The following PTPRT variants were observed in gnomAD, a reference collection of about 807,000 sequenced individuals.
PTPRT encodes receptor-type tyrosine-protein phosphatase T.
A neutral mutation model predicts 176.8 loss-of-function variants in PTPRT; 56 were observed. The ratio of observed to expected loss-of-function variants is 0.32; its 90% CI spans 0.26 to 0.40. The LOEUF (loss-of-function observed/expected upper bound fraction) is 0.40. Ranked by LOEUF, PTPRT falls within the 10% of genes least tolerant of loss-of-function variation. PTPRT has a pLI of 1.00. For synonymous variants in PTPRT, 783 were observed against 739.0 expected (o/e 1.06, Z -0.96); for missense variants, 1,540 against 1,908.2 (o/e 0.81, Z 3.60).
chr20:42,914,920 G>A (rs1978637024), intron 1 of PTPRT, among the ~76,000 whole-genome samples: 1 of 151,566 alleles, frequency 6.6e-6, no homozygotes. Context: ...CCCAATCTGT[G>A]TGAGGCAGGG....
chr20:42,680,687 C>CT (rs2075588008), intron 6 of PTPRT, among the ~76,000 whole-genome samples: 2 of 152,154 alleles, frequency 1.3e-5, no homozygotes, highest in Admixed American at 6.5e-5. Context: ...CCATTTAGTT[C>CT]TTTTCCATTG....
At chr20:42,356,588 C>T (rs988222288) in intron 9 of PTPRT, among the ~76,000 whole-genome samples, 28 of 151,884 alleles carry the variant, frequency 1.8e-4, no homozygotes, top group East Asian at 1.5e-3. Flanking sequence ...CCCAGCTACT[C>T]GGGAGGCTGA....
Position 43,039,837 on chromosome 20 carries a change from T to TCTAA in PTPRT, c.88+149808_88+149809insTTAG, listed in dbSNP as rs144608853. ...GGGCAGATCACCTGAGCTCAAGAGTTCTAGACCAGCCTGGGCAGTATGACA... is the reference window on the plus strand; with the variant it reads ...GGGCAGATCACCTGAGCTCAAGAGTTCTAACTAGACCAGCCTGGGCAGTATGACA... On this transcript the variant is annotated intron_variant, in intron 1 of 30. Coordinates refer to ENST00000373187, the MANE Select transcript of PTPRT (RefSeq NM_007050.6). Among the ~76,000 whole-genome samples, 73 of 152,224 alleles carry TCTAA rather than the reference T, an allele frequency of 4.8e-4. 1 individual carries two copies. The East Asian group carries it at 0.012, about 26-fold the overall frequency.
At chr20:42,269,083 C>A (rs538593049) in intron 13 of PTPRT, among the ~76,000 whole-genome samples, 8 of 152,308 alleles carry the variant, frequency 5.3e-5, no homozygotes, top group African/African-American at 1.9e-4. Flanking sequence ...CTACTCCAGA[C>A]CTCCCCTTTA....
chr20:42,173,519 A>C (rs1217054100), intron 16 of PTPRT, among the ~76,000 whole-genome samples: 1 of 152,330 alleles, frequency 6.6e-6, no homozygotes, highest in East Asian at 1.9e-4. Flanking sequence ...TTCTATCAAA[A>C]TCAGTGAGGA....
intron 1 of PTPRT, among the ~76,000 whole-genome samples, chr20:43,077,683 A>G (rs1056772725): frequency 1.3e-5 from 2 of 152,094 alleles, no homozygotes; most frequent in Non-Finnish European, 1.5e-5. Context: ...ACCTTTCCCA[A>G]TCATCCCTGG....
At chr20:42,359,795 G>A (rs143703071) in intron 9 of PTPRT, among the ~76,000 whole-genome samples, 5 of 152,308 alleles carry the variant, frequency 3.3e-5, no homozygotes, top group African/African-American at 9.6e-5. Flanking sequence ...GGGCCTGCCC[G>A]GGCTGCACAC....
intron 2 of PTPRT, among the ~76,000 whole-genome samples, chr20:42,820,136 G>T (rs994677472): frequency 3.4e-5 from 5 of 146,480 alleles, no homozygotes; most frequent in African/African-American, 1.1e-4. Context: ...GTGCCACATG[G>T]CACTTATGCT....
intron 9 of PTPRT, among the ~76,000 whole-genome samples, chr20:42,361,251 T>G (rs867443802): frequency 5.9e-5 from 9 of 152,320 alleles, no homozygotes; most frequent in Middle Eastern, 3.4e-3. Context: ...GCTCAGTAAC[T>G]ATGTATTTAA....
intron 13 of PTPRT, among the ~76,000 whole-genome samples, chr20:42,275,859 G>A (rs1202443217): frequency 6.6e-6 from 1 of 152,154 alleles, no homozygotes; most frequent in Non-Finnish European, 1.5e-5. Context: ...ATGTAACTCT[G>A]AGGATCCCAG....
chr20:42,648,759 A>G (rs2074963411), intron 7 of PTPRT, among the ~76,000 whole-genome samples: 1 of 151,654 alleles, frequency 6.6e-6, no homozygotes, highest in African/African-American at 2.4e-5. Context: ...GTTACTGATA[A>G]AGACATACCT....
At chr20:42,653,781 A>T (rs2075074121) in intron 7 of PTPRT, among the ~76,000 whole-genome samples, 1 of 152,162 alleles carries the variant, frequency 6.6e-6, no homozygotes, top group Non-Finnish European at 1.5e-5. Context: ...TTCCTTTGGG[A>T]ATTCTTGATC....
intron 1 of PTPRT, among the ~76,000 whole-genome samples, chr20:43,035,242 G>A (rs902876927): frequency 1.2e-4 from 18 of 151,984 alleles, no homozygotes; most frequent in Non-Finnish European, 1.8e-4. Flanking sequence ...GAACACTCCC[G>A]CCTCGAAACC....
At chr20:43,047,092 C>A (rs888948951) in intron 1 of PTPRT, among the ~76,000 whole-genome samples, 3 of 151,978 alleles carry the variant, frequency 2.0e-5, no homozygotes, top group Non-Finnish European at 4.4e-5. Flanking sequence ...TCCCTCTTCC[C>A]CTCAGATCTA....
intron 12 of PTPRT, among the ~76,000 whole-genome samples, chr20:42,303,552 GCTCGTTCT>G (rs983029313): frequency 3.3e-4 from 50 of 152,306 alleles, no homozygotes; most frequent in African/African-American, 1.2e-3. Context: ...TTCAACCCCA[GCTCGTTCT>G]CTTGTTTCTG....
At chr20:43,034,142 C>T (rs1278397192) in intron 1 of PTPRT, among the ~76,000 whole-genome samples, 1 of 152,196 alleles carries the variant, frequency 6.6e-6, no homozygotes, top group South Asian at 2.1e-4. Context: ...ATCTGTCTTT[C>T]CTGACCCACA....
intron 16 of PTPRT, among the ~76,000 whole-genome samples, chr20:42,191,967 T>C (rs932211133): frequency 6.6e-6 from 1 of 151,982 alleles, no homozygotes; most frequent in African/African-American, 2.4e-5. Flanking sequence ...TATGTACTGA[T>C]CAACAACAAT....
chr20:42,418,815 T>C (rs573578050), intron 9 of PTPRT, among the ~76,000 whole-genome samples: 1 of 152,286 alleles, frequency 6.6e-6, no homozygotes, highest in Admixed American at 6.5e-5. Flanking sequence ...GAGGCTGTCC[T>C]GGCTGTAGGA....
chr20:42,236,877 C>T (rs1358644929), intron 14 of PTPRT, among the ~76,000 whole-genome samples: 4 of 152,058 alleles, frequency 2.6e-5, no homozygotes, highest in African/African-American at 9.7e-5. Context: ...CCCACAGAGT[C>T]AGGACTGACC....
Sources: gnomAD v4.1 joint callset for allele counts (sites outside exome capture counted in the v4.1 genomes callset) on GRCh38, gnomAD v4.1.1 for gene constraint, MANE v1.5 for transcripts, NCBI Gene and HGNC (gene_info 2026-07-23, HGNC 2026-07-21) for gene names.